The following TMEM135 variants were observed in gnomAD, a reference collection of about 807,000 sequenced individuals.
TMEM135 encodes the protein peroxisomal membrane protein 52.
A neutral mutation model predicts 60.3 loss-of-function variants in TMEM135; 30 were observed. The observed-to-expected ratio is 0.50, with a 90% CI of 0.37 to 0.68. The LOEUF is 0.68. Ranked by LOEUF, TMEM135 falls within the 30% of genes least tolerant of loss-of-function variation. TMEM135 has a pLI of 0.00. For missense variants in TMEM135, 468 were observed against 548.8 expected (o/e 0.85, Z 1.47); for synonymous variants, 190 against 186.7 (o/e 1.02, Z -0.14).
At chr11:87,239,126 A>G (rs866625566) in intron 6 of TMEM135, among the ~76,000 whole-genome samples, 4 of 152,064 alleles carry the variant, frequency 2.6e-5, no homozygotes, top group African/African-American at 7.2e-5. Context: ...GTTTTGGTGC[A>G]GAGCTACGGA....
intron 4 of TMEM135, among the ~76,000 whole-genome samples, chr11:87,147,690 T>G (rs567659370): frequency 6.6e-6 from 1 of 152,340 alleles, no homozygotes. Context: ...GAAGTTTGCA[T>G]TTATTACATC....
intron 5 of TMEM135, among the ~76,000 whole-genome samples, chr11:87,202,853 A>T (rs1450339188): frequency 6.6e-6 from 1 of 151,478 alleles, no homozygotes; most frequent in African/African-American, 2.4e-5. Context: ...TAACACGGTG[A>T]AACCCCGTCT....
Position 87,038,023 on chromosome 11 carries a change from T to C in TMEM135, c.-23T>C. On this transcript the variant is annotated 5_prime_UTR_variant, in exon 1 of 15. Coordinates refer to ENST00000305494, the MANE Select transcript of TMEM135 (RefSeq NM_022918.4). The stretch of plus-strand genomic sequence containing the variant: ...CAGGGCTCAGGCTCTCCCCCTCCTG[T>C]CTTCTCCGCGCTGTTCCTCGTCATG... 1.2e-6 allele frequency: 2 copies of C among 1,613,440 alleles called. No individual in the cohort carries two copies. Among genetic ancestry groups the C allele is most frequent in the Non-Finnish European group, 1.7e-6 (2 of 1,179,926 alleles).
At chr11:87,212,091 T>C (rs1056755362) in intron 5 of TMEM135, among the ~76,000 whole-genome samples, 1 of 152,234 alleles carries the variant, frequency 6.6e-6, no homozygotes, top group East Asian at 1.9e-4. Flanking sequence ...CATCTGTCTA[T>C]CCATTTGTAA....
chr11:87,301,934 G>A (rs1942456638), intron 7 of TMEM135, among the ~76,000 whole-genome samples: 1 of 152,086 alleles, frequency 6.6e-6, no homozygotes, highest in South Asian at 2.1e-4. Context: ...CTGATTCCTG[G>A]TCTGTACTGT....
chr11:87,222,181 CAAAAAAAAAAA>C (rs386374401), intron 5 of TMEM135, among the ~76,000 whole-genome samples: 8 of 55,484 alleles, frequency 1.4e-4, no homozygotes, highest in African/African-American at 5.0e-4. Context: ...GACTCTGTCT[CAAAAAAAAAAA>C]AAAAAAAAAA....
chr11:87,217,750 C>T (rs1036251707), intron 5 of TMEM135, among the ~76,000 whole-genome samples: 4 of 151,688 alleles, frequency 2.6e-5, no homozygotes, highest in African/African-American at 9.7e-5. Context: ...TGCCATTGCA[C>T]TCCAGCCTGG....
In TMEM135 at chr11:87,067,759, A is replaced by G. The variant is rs145329520; in HGVS notation, c.207A>G (p.Leu69=). ...TACACAAACTACTCCCTGAGATCCTACAATCCGCTTCATTTCTAACTGCTA... is the reference window on the plus strand; with the variant it reads ...TACACAAACTACTCCCTGAGATCCTGCAATCCGCTTCATTTCTAACTGCTA... The part of the protein sequence containing the change: ...YYLHKLLPEI[L]QSASFLTANG... The change falls in exon 2 of 15, where the codon CTA becomes CTG. Residue 69 remains leucine, a synonymous_variant. Transcript: ENST00000305494. 1,282 of 1,613,990 alleles carry G rather than the reference A, an allele frequency of 7.9e-4. 14 individuals carry two copies. In the African/African-American group the frequency reaches 0.014, roughly 17 times the overall value.
chr11:87,234,771 A>T (rs1940959398), intron 5 of TMEM135, among the ~76,000 whole-genome samples: 1 of 152,074 alleles, frequency 6.6e-6, no homozygotes, highest in Non-Finnish European at 1.5e-5. Flanking sequence ...CTAAAGCTTG[A>T]GTTCTTAAAC....
chr11:87,163,980 T>G (rs1374369953), intron 5 of TMEM135, among the ~76,000 whole-genome samples: 1 of 148,658 alleles, frequency 6.7e-6, no homozygotes, highest in Non-Finnish European at 1.5e-5. Context: ...TTCTCCCATT[T>G]TGTAGGATGC....
intron 6 of TMEM135, among the ~76,000 whole-genome samples, chr11:87,276,881 A>G (rs1941977910): frequency 6.6e-6 from 1 of 151,808 alleles, no homozygotes; most frequent in East Asian, 1.9e-4. Flanking sequence ...CATGTTGGCC[A>G]GGCTGGTCTT....
intron 5 of TMEM135, among the ~76,000 whole-genome samples, chr11:87,235,698 A>C (rs926730790): frequency 2.0e-5 from 3 of 151,990 alleles, no homozygotes; most frequent in Admixed American, 6.6e-5. Flanking sequence ...TTGTTTTTTA[A>C]CATAAGAATG....
At chr11:87,275,344 G>A (rs963318437) in intron 6 of TMEM135, among the ~76,000 whole-genome samples, 5 of 151,952 alleles carry the variant, frequency 3.3e-5, no homozygotes, top group African/African-American at 4.8e-5. Context: ...ATACTTAAGT[G>A]CTAGCAACCA....
intron 5 of TMEM135, among the ~76,000 whole-genome samples, chr11:87,221,690 A>C (rs546699363): frequency 6.6e-6 from 1 of 152,192 alleles, no homozygotes; most frequent in Non-Finnish European, 1.5e-5. Flanking sequence ...TCTTTCTTCT[A>C]TCACTTTGGA....
intron 5 of TMEM135, among the ~76,000 whole-genome samples, chr11:87,193,843 T>C (rs944306486): frequency 2.0e-5 from 3 of 150,280 alleles, no homozygotes; most frequent in Admixed American, 6.7e-5. Context: ...TTGAATTTTT[T>C]AATAGGCCTA....
At chr11:87,276,639 C>G (rs1278199406) in intron 6 of TMEM135, among the ~76,000 whole-genome samples, 1 of 145,308 alleles carries the variant, frequency 6.9e-6, no homozygotes, top group Non-Finnish European at 1.5e-5. Context: ...ATAAGTTATA[C>G]AAAACTTCTT....
Position 87,037,991 on chromosome 11 carries a change from C to T in TMEM135, c.-55C>T. 1.2e-6 allele frequency: 2 copies of T among 1,610,394 alleles called. No individual in the cohort carries two copies. The highest frequency in any genetic ancestry group is 8.5e-7 in the Non-Finnish European group (1 of 1,179,838). ...GGCTGGCGGCTGGGCTCTCGCGCCC[C>T]TCCCTGCAGGGCTCAGGCTCTCCCC... On this transcript the variant is annotated 5_prime_UTR_variant, in exon 1 of 15. Transcript: ENST00000305494.
chr11:87,272,894 C>A (rs914520084), intron 6 of TMEM135, among the ~76,000 whole-genome samples: 2 of 152,016 alleles, frequency 1.3e-5, no homozygotes, highest in African/African-American at 4.8e-5. Context: ...TCGGAAAGTT[C>A]TTTTTTTAAA....
chr11:87,270,411 G>A (rs985465266), intron 6 of TMEM135, among the ~76,000 whole-genome samples: 1 of 152,072 alleles, frequency 6.6e-6, no homozygotes, highest in East Asian at 1.9e-4. Context: ...TAGACATGAA[G>A]TCCTTGTCCA....
Sources: allele counts gnomAD v4.1 joint callset (sites outside exome capture counted in the v4.1 genomes callset), GRCh38; gene constraint gnomAD v4.1.1; transcripts MANE v1.5; gene names NCBI Gene and HGNC (gene_info 2026-07-23, HGNC 2026-07-21).